The following ASPH variants were observed in gnomAD, a reference collection of about 807,000 sequenced individuals.
The protein encoded by ASPH is aspartyl/asparaginyl beta-hydroxylase.
A neutral mutation model predicts 118.4 loss-of-function variants in ASPH; 100 were observed. That is an observed-to-expected ratio of 0.84 (90% CI 0.72 to 1.00). The LOEUF is 1.00. ASPH is among the 50% of genes least tolerant of loss of function. The pLI is 0.00. For synonymous variants in ASPH, 315 were observed against 325.6 expected (o/e 0.97, Z 0.35); for missense variants, 920 against 919.5 (o/e 1.00, Z -0.01).
At chr8:61,554,184 T>C (rs1827016113) in intron 19 of ASPH, among the ~76,000 whole-genome samples, 1 of 152,178 alleles carries the variant, frequency 6.6e-6, no homozygotes, top group Non-Finnish European at 1.5e-5. Context: ...TGGCAGGAAA[T>C]ATGAAGTGCT....
intron 21 of ASPH, among the ~76,000 whole-genome samples, chr8:61,546,785 T>C (rs967682765): frequency 2.6e-5 from 4 of 152,206 alleles, no homozygotes; most frequent in African/African-American, 4.8e-5. Context: ...GTAAGTCTTA[T>C]AGATACAGTT....
At chr8:61,700,145 T>C (rs1403001718) in intron 1 of ASPH, among the ~76,000 whole-genome samples, 3 of 152,308 alleles carry the variant, frequency 2.0e-5, no homozygotes, top group Admixed American at 6.5e-5. Context: ...GACCAAGTCA[T>C]GTGTCACAGG....
Position 61,548,704 on chromosome 8 carries a change from C to T in ASPH, c.1627-496G>A, listed in dbSNP as rs1022997768. On this transcript the variant is annotated intron_variant, in intron 20 of 24. Coordinates refer to ENST00000379454, the MANE Select transcript of ASPH (RefSeq NM_004318.4). ...CACATTTAAGAAGGTCACACCAAGG[C>T]GTCAGAGTGCAAACCCTCCATTAAA... Among the ~76,000 whole-genome samples the T allele has an allele frequency of 2.6e-5, 4 of 152,112 alleles. No homozygotes were observed. The East Asian group carries it at 5.8e-4, about 22-fold the overall frequency.
chr8:61,523,537 G>A (rs1328800670), intron 22 of ASPH, among the ~76,000 whole-genome samples: 1 of 151,728 alleles, frequency 6.6e-6, no homozygotes, highest in Admixed American at 6.6e-5. Flanking sequence ...AGCTTGTCTT[G>A]AACTCCTGAC....
intron 3 of ASPH, among the ~76,000 whole-genome samples, chr8:61,671,333 T>C (rs1044245582): frequency 6.6e-6 from 1 of 151,814 alleles, no homozygotes; most frequent in Non-Finnish European, 1.5e-5. Context: ...AGCTAATGTC[T>C]AGGGAAAAAA....
chr8:61,642,934 G>C lies in ASPH; in HGVS notation c.758-14C>G. On this transcript the variant is annotated splice_polypyrimidine_tract_variant and intron_variant, in intron 9 of 24. Transcript: ENST00000379454. ...ATGTTACATCATCTGAAAAAAAAAAGAGAATAAAAGCAAAATAAGTATTAA... is the reference window on the plus strand; with the variant it reads ...ATGTTACATCATCTGAAAAAAAAAACAGAATAAAAGCAAAATAAGTATTAA... 6.7e-7 allele frequency: 1 copy of C among 1,499,124 alleles called. No homozygotes were observed. The allele number at this position is 1,499,124 out of a possible 1,614,324, so 92.9% of individuals were successfully genotyped here.
intron 14 of ASPH, chr8:61,607,318 G>A (rs567108586): frequency 2.9e-6 from 2 of 701,694 alleles, no homozygotes; most frequent in Admixed American, 2.0e-5. Flanking sequence ...ACGCAAATGA[G>A]TCCTCTGTAA....
At chr8:61,559,023 T>C (rs1161004155) in intron 18 of ASPH, among the ~76,000 whole-genome samples, 1 of 152,196 alleles carries the variant, frequency 6.6e-6, no homozygotes, top group Non-Finnish European at 1.5e-5. Flanking sequence ...TTATGGCTTT[T>C]ACAGTTTCTT....
At chr8:61,653,485 A>G in intron 4 of ASPH, 83 bp downstream of exon 4, 1 of 1,309,368 alleles carries the variant, frequency 7.6e-7, no homozygotes, top group Non-Finnish European at 1.1e-6. Context: ...AACAAATTCC[A>G]GGTAAAACGT....
At position 61,694,752 on chromosome 8, in the gene ASPH, T is replaced by C. The variant is rs185387177; in HGVS notation, c.104-10564A>G. On this transcript the variant is annotated intron_variant, in intron 1 of 24. Transcript: ENST00000379454. ...TAGTTCACTTCAGCTATCATCTACA[T>C]GACTTACCTTTTTCTCTCCTTTGAG... Among the ~76,000 whole-genome samples the C allele has an allele frequency of 3.9e-5, 6 of 152,362 alleles. No individual in the cohort carries two copies. The East Asian group carries it at 1.2e-3, about 29-fold the overall frequency.
chr8:61,668,243 T>C lies in ASPH; in HGVS notation c.322+12725A>G, dbSNP rs79877023. On this transcript the variant is annotated intron_variant, in intron 3 of 24. Transcript: ENST00000379454. The stretch of plus-strand genomic sequence containing the variant: ...GAAAAAATGAAAATACCTTTAGCCT[T>C]AGTTTTTCTCTTGGCTACCCCACTG... 939 of 1,609,418 alleles carry C rather than the reference T, an allele frequency of 5.8e-4. 1 individual carries two copies. Among genetic ancestry groups the C allele is most frequent in the Non-Finnish European group, 7.5e-4 (888 of 1,176,954 alleles).
At chr8:61,619,716 G>A (rs1850257498) in intron 13 of ASPH, among the ~76,000 whole-genome samples, 1 of 152,230 alleles carries the variant, frequency 6.6e-6, no homozygotes, top group Admixed American at 6.5e-5. Flanking sequence ...AGCTGACCAT[G>A]TGTTTTTAAC....
chr8:61,649,946 T>G (rs1005820503), intron 5 of ASPH, among the ~76,000 whole-genome samples: 48 of 152,290 alleles, frequency 3.2e-4, no homozygotes, highest in Non-Finnish European at 5.6e-4. Context: ...TGAACTACTT[T>G]CAGGTCCTTT....
chr8:61,503,460 C>A lies in ASPH; in HGVS notation c.2176G>T (p.Glu726Ter), dbSNP rs1338898133. 6.2e-7 allele frequency: 1 copy of A among 1,612,948 alleles called. No homozygotes were observed. Among genetic ancestry groups the A allele is most frequent in the Non-Finnish European group, 8.5e-7 (1 of 1,179,576 alleles). ...VLIFDDSFEH[E>*]VWQDASSFRL... Reference sequence around the variant, plus strand: ...AAAGATGAGGCATCCTGCCATACCTCGTGCTCAAAGGAGTCATCAAAGATG... The same window carrying A: ...AAAGATGAGGCATCCTGCCATACCTAGTGCTCAAAGGAGTCATCAAAGATG... The change falls in exon 25 of 25, where the codon GAG (glutamate) becomes TAG (stop). Residue 726 changes from glutamate (E) to a stop codon, truncating the protein, a stop_gained. Coordinates refer to ENST00000379454, the MANE Select transcript of ASPH (RefSeq NM_004318.4). LOFTEE classifies it high-confidence loss of function.
chr8:61,658,658 A>C (rs1815077412), intron 3 of ASPH: 1 of 152,062 alleles, frequency 6.6e-6, no homozygotes, highest in Non-Finnish European at 1.5e-5. Flanking sequence ...TTTTTCCAAA[A>C]ATTTACCATT....
intron 13 of ASPH, among the ~76,000 whole-genome samples, chr8:61,631,338 G>A (rs1394813877): frequency 6.6e-6 from 1 of 152,090 alleles, no homozygotes; most frequent in African/African-American, 2.4e-5. Flanking sequence ...GCAAATTCCA[G>A]TGCTGTAAGC....
At chr8:61,524,367 A>C (rs934524519) in intron 22 of ASPH, among the ~76,000 whole-genome samples, 13 of 152,224 alleles carry the variant, frequency 8.5e-5, no homozygotes, top group Admixed American at 1.3e-4. Flanking sequence ...AAGAAAAATA[A>C]AACAAAACAA....
chr8:61,653,080 G>T (rs1588698625), intron 4 of ASPH, among the ~76,000 whole-genome samples: 1 of 152,184 alleles, frequency 6.6e-6, no homozygotes, highest in African/African-American at 2.4e-5. Flanking sequence ...AGAGATGCTT[G>T]ATTTATGAAC....
chr8:61,655,724 T>C (rs898378270), intron 3 of ASPH, among the ~76,000 whole-genome samples: 3 of 152,096 alleles, frequency 2.0e-5, no homozygotes, highest in African/African-American at 7.2e-5. Flanking sequence ...TTGCAAAACA[T>C]AGGAAAAACA....
Sources: allele counts gnomAD v4.1 joint callset (sites outside exome capture counted in the v4.1 genomes callset), GRCh38; gene constraint gnomAD v4.1.1; transcripts MANE v1.5; gene names NCBI Gene and HGNC (gene_info 2026-07-23, HGNC 2026-07-21).